MMP26: variants seen among roughly 807,000 people sequenced by gnomAD.
MMP26 encodes the protein matrix metallopeptidase 26.
In MMP26, 33 loss-of-function variants were observed where a neutral mutation model predicts 31.0. That is an observed-to-expected ratio of 1.06 (90% CI 0.81 to 1.42). The LOEUF (loss-of-function observed/expected upper bound fraction) is 1.42. Among genes scored for constraint, MMP26 ranks in the 40% most tolerant of loss-of-function variants. The pLI is 0.00. For synonymous variants in MMP26, 122 were observed against 114.9 expected, an observed-to-expected ratio of 1.06 and a Z score of -0.40; for missense variants, 347 against 316.1, an observed-to-expected ratio of 1.10 and a Z score of -0.74.
intron 2 of MMP26, among the ~76,000 whole-genome samples, chr11:4,776,821 A>T (rs925262812): frequency 2.0e-5 from 3 of 152,086 alleles, no homozygotes; most frequent in Non-Finnish European, 2.9e-5. Context: ...CTTCCCAGTC[A>T]TATTTCCTGT....
chr11:4,875,158 C>G (rs1850362593), intron 2 of MMP26: 1 of 152,052 alleles, frequency 6.6e-6, no homozygotes, highest in African/African-American at 2.4e-5. Flanking sequence ...TCATTCTGCT[C>G]TCTAATGAAG....
intron 1 of MMP26, among the ~76,000 whole-genome samples, chr11:4,748,405 A>G (rs182329529): frequency 6.6e-6 from 1 of 152,216 alleles, no homozygotes; most frequent in East Asian, 1.9e-4. Flanking sequence ...AACTGTTCCA[A>G]AAAATCAAGG....
intron 2 of MMP26, among the ~76,000 whole-genome samples, chr11:4,788,417 T>TC (rs1848977805): frequency 6.6e-6 from 1 of 151,958 alleles, no homozygotes; most frequent in East Asian, 1.9e-4. Context: ...CATGCACAAT[T>TC]CACACATAAA....
At chr11:4,748,428 C>T (rs560647522) in intron 1 of MMP26, among the ~76,000 whole-genome samples, 46 of 152,016 alleles carry the variant, frequency 3.0e-4, no homozygotes, top group African/African-American at 1.1e-3. Flanking sequence ...GGGGGAATTA[C>T]CCCTAACTCA....
intron 2 of MMP26, among the ~76,000 whole-genome samples, chr11:4,936,622 G>GCC (rs1846116416): frequency 6.6e-6 from 1 of 152,160 alleles, no homozygotes. Flanking sequence ...AATCTCTAGA[G>GCC]AGTGGGTATA....
intron 1 of MMP26, among the ~76,000 whole-genome samples, chr11:4,746,838 C>T (rs376808938): frequency 7.9e-5 from 8 of 101,524 alleles, no homozygotes; most frequent in African/African-American, 2.7e-4. Flanking sequence ...CTGTCACACA[C>T]ACACACACAC....
intron 1 of MMP26, among the ~76,000 whole-genome samples, chr11:4,746,882 C>T (rs1464947088): frequency 1.4e-5 from 2 of 147,256 alleles, no homozygotes; most frequent in East Asian, 2.0e-4. Context: ...CACACAAAGG[C>T]TATACATTGG....
At chr11:4,710,407 A>G (rs1185648650) in intron 1 of MMP26, 1 of 457,002 alleles carries the variant, frequency 2.2e-6, no homozygotes, top group African/African-American at 2.0e-5. Flanking sequence ...CTCATTGCCA[A>G]TGTTTATCTG....
At chr11:4,971,344 A>G (rs1846663358) in intron 2 of MMP26, among the ~76,000 whole-genome samples, 1 of 152,228 alleles carries the variant, frequency 6.6e-6, no homozygotes, top group Non-Finnish European at 1.5e-5. Flanking sequence ...GGCTGTCAAA[A>G]GTGTGTACAC....
chr11:4,976,263 A>G (rs772539145), intron 2 of MMP26, among the ~76,000 whole-genome samples: 1 of 152,070 alleles, frequency 6.6e-6, no homozygotes. Context: ...CAGTATTTAT[A>G]TGAAAGTTGT....
rs145709671 is a variant in MMP26 at position 4,853,921 on chromosome 11, A to C, written c.-145+86580A>C. Among the ~76,000 whole-genome samples, 72 of 152,338 alleles carry C rather than the reference A, an allele frequency of 4.7e-4. 1 individual carries two copies. In the East Asian group the frequency reaches 0.013, roughly 27 times the overall value. ...ATTAAATTTGGCTACATAAAAAAAA[A>C]ATTCTGCACTGTGATTTTGTGGAAT... is the stretch of plus-strand genomic sequence containing the variant. On this transcript the variant is annotated intron_variant, in intron 2 of 7. Coordinates refer to ENST00000380390, the MANE Select transcript of MMP26 (RefSeq NM_021801.5).
chr11:4,801,172 G>A lies in MMP26; in HGVS notation c.-145+33831G>A, dbSNP rs376210633. Among the ~76,000 whole-genome samples the A allele has an allele frequency of 6.6e-4, 101 of 152,244 alleles. 1 individual carries two copies. Among genetic ancestry groups the A allele is most frequent in the African/African-American group, 2.4e-3 (99 of 41,546 alleles). On this transcript the variant is annotated intron_variant, in intron 2 of 7. Transcript: ENST00000380390. ...CCCTTGTCTTCCTGTCTTCTTCTGA[G>A]TTCTCTGAACTCTTCTAACCTCTGC...
intron 2 of MMP26, among the ~76,000 whole-genome samples, chr11:4,767,985 TA>T (rs1243762797): frequency 6.6e-6 from 1 of 152,208 alleles, no homozygotes; most frequent in Non-Finnish European, 1.5e-5. Context: ...TCTGTCTCTG[TA>T]AAACTGTGTA....
intron 1 of MMP26, among the ~76,000 whole-genome samples, chr11:4,766,833 A>T (rs1361199010): frequency 6.6e-6 from 1 of 151,076 alleles, no homozygotes; most frequent in Non-Finnish European, 1.5e-5. Flanking sequence ...CAATTTAAAA[A>T]TTTTCTGCTG....
At chr11:4,781,825 G>A (rs889424983) in intron 2 of MMP26, among the ~76,000 whole-genome samples, 4 of 151,994 alleles carry the variant, frequency 2.6e-5, no homozygotes, top group African/African-American at 9.7e-5. Context: ...TGTTCTCATG[G>A]TAGTGAATAA....
chr11:4,969,835 T>A (rs1251346785), intron 2 of MMP26, among the ~76,000 whole-genome samples: 1 of 152,162 alleles, frequency 6.6e-6, no homozygotes, highest in African/African-American at 2.4e-5. Context: ...AAGCAAACGT[T>A]ATTAAACTAG....
intron 2 of MMP26, among the ~76,000 whole-genome samples, chr11:4,953,898 A>G (rs1332804356): frequency 8.0e-6 from 1 of 124,944 alleles, no homozygotes; most frequent in Non-Finnish European, 1.8e-5. Flanking sequence ...CAAAAAATAC[A>G]AAAATCAGCC....
chr11:4,860,005 A>C (rs1474910608), intron 2 of MMP26: 2 of 471,048 alleles, frequency 4.2e-6, no homozygotes, highest in East Asian at 1.4e-4. Flanking sequence ...AGCTAGCCGC[A>C]TCATGTTTTG....
chr11:4,761,671 T>C (rs1280822675), intron 1 of MMP26, among the ~76,000 whole-genome samples: 1 of 152,206 alleles, frequency 6.6e-6, no homozygotes, highest in East Asian at 1.9e-4. Context: ...AGATGGATAG[T>C]GCATTTAAGA....
Sources: allele counts gnomAD v4.1 joint callset (sites outside exome capture counted in the v4.1 genomes callset), GRCh38; gene constraint gnomAD v4.1.1; transcripts MANE v1.5; gene names NCBI Gene and HGNC (gene_info 2026-07-23, HGNC 2026-07-21).